The following NMRK1 variants were observed in gnomAD, a reference collection of about 807,000 sequenced individuals.
NMRK1 encodes the protein NRK 1.
In NMRK1, 28 loss-of-function variants were observed where a neutral mutation model predicts 29.9. That is an observed-to-expected ratio of 0.94 (90% CI 0.69 to 1.28). The LOEUF (loss-of-function observed/expected upper bound fraction) is 1.28, where lower values mean the gene tolerates loss of function less well. Among genes scored for constraint, NMRK1 ranks in the 50% most tolerant of loss-of-function variants. NMRK1 has a pLI of 0.00. For missense variants in NMRK1, 218 were observed against 233.1 expected, an observed-to-expected ratio of 0.94 and a Z score of 0.42; for synonymous variants, 58 against 73.0, an observed-to-expected ratio of 0.79 and a Z score of 1.05.
chr9:75,063,791 G>C (rs10869490), intron 8 of NMRK1, among the ~76,000 whole-genome samples: 20,958 of 152,142 alleles, frequency 0.14, 1,802 homozygotes, highest in Non-Finnish European at 0.19. Context: ...ACCAGGCTAT[G>C]CTGAGGGTAC....
At chr9:75,069,368 G>C in intron 6 of NMRK1, 1 of 483,400 alleles carries the variant, frequency 2.1e-6, no homozygotes, top group Non-Finnish European at 3.7e-6. Flanking sequence ...AGAACTAAGA[G>C]ACAAATAGTG....
intron 2 of NMRK1, among the ~76,000 whole-genome samples, chr9:75,081,258 A>C (rs992316174): frequency 6.6e-6 from 1 of 152,206 alleles, no homozygotes; most frequent in Admixed American, 6.5e-5. Context: ...CCTTAACTGA[A>C]TCCGGCATGG....
chr9:75,068,933 T>C, intron 7 of NMRK1, 63 bp downstream of exon 7: 1 of 1,142,428 alleles, frequency 8.8e-7, no homozygotes, highest in Non-Finnish European at 1.3e-6. Flanking sequence ...AGTCCTTTCT[T>C]TTCTATACTT....
At chr9:75,084,499 A>G (rs1307657227) in intron 1 of NMRK1, among the ~76,000 whole-genome samples, 5 of 152,250 alleles carry the variant, frequency 3.3e-5, no homozygotes, top group Non-Finnish European at 1.5e-5. Flanking sequence ...TGACTGTGAT[A>G]AAATAGCAGC....
chr9:75,084,602 A>C (rs1824511533), intron 1 of NMRK1, among the ~76,000 whole-genome samples: 1 of 152,248 alleles, frequency 6.6e-6, no homozygotes, highest in South Asian at 2.1e-4. Flanking sequence ...CAGCCTGGGC[A>C]ACATGGCAAA....
intron 8 of NMRK1, 66 bp from the exon 9 acceptor site, chr9:75,061,633 T>C: frequency 7.7e-7 from 1 of 1,292,268 alleles, no homozygotes; most frequent in South Asian, 1.2e-5. Context: ...AATCTTTACA[T>C]CAACAACAGT....
At chr9:75,074,153 G>C (rs915229188) in intron 4 of NMRK1, among the ~76,000 whole-genome samples, 6 of 151,476 alleles carry the variant, frequency 4.0e-5, no homozygotes, top group African/African-American at 1.5e-4. Context: ...AGCCTCCCAG[G>C]TTCAAGTGAT....
intron 4 of NMRK1, among the ~76,000 whole-genome samples, chr9:75,073,060 T>C (rs183486314): frequency 2.1e-3 from 321 of 152,236 alleles, no homozygotes; most frequent in African/African-American, 7.3e-3. Flanking sequence ...AATGTGACTG[T>C]TTGGAAATAT....
chr9:75,077,112 A>G, intron 4 of NMRK1, 47 bp downstream of exon 4: 1 of 1,189,910 alleles, frequency 8.4e-7, no homozygotes, highest in Non-Finnish European at 1.2e-6. Flanking sequence ...GGTTTGAAAA[A>G]GAAAATGAAC....
At chr9:75,065,472 A>G (rs1277403740) in intron 8 of NMRK1, among the ~76,000 whole-genome samples, 2 of 151,888 alleles carry the variant, frequency 1.3e-5, no homozygotes, top group African/African-American at 4.8e-5. Flanking sequence ...CTTGGTAGCT[A>G]ATTTTTAAAA....
In NMRK1 at chr9:75,061,431, CAT is replaced by C. The variant is rs1414752549; in HGVS notation, c.*115_*116del. 3 of 778,990 alleles carry C rather than the reference CAT, an allele frequency of 3.9e-6. No homozygotes were observed. Among genetic ancestry groups the C allele is most frequent in the East Asian group, 2.5e-5 (1 of 40,038 alleles). 48.3% of individuals were successfully genotyped at this position (778,990 alleles called of 1,614,324 possible). A position where few individuals can be genotyped will look rare whatever the true frequency, so the allele number is the denominator to read the frequency against. ...AAAACCATGTGCAATAAAAATCAAA[CAT>C]ATGAAACAATGGCTGTCATTGTACC... On this transcript the variant is annotated 3_prime_UTR_variant, in exon 9 of 9. Coordinates refer to ENST00000361092, the MANE Select transcript of NMRK1 (RefSeq NM_017881.3).
chr9:75,077,491 T>C lies in NMRK1; in HGVS notation c.119A>G (p.Lys40Arg). Residue 40 changes from lysine to arginine, a missense_variant and splice_region_variant, in exon 3 of 9, where the codon AAG (lysine) becomes AGG (arginine). Transcript: ENST00000361092. Reference protein sequence around the residue: ...CSVISQDDFFKPESEIETDKN... With the variant: ...CSVISQDDFFRPESEIETDKN... The stretch of plus-strand genomic sequence containing the variant: ...TAATTTAAGAAGTTTTATAGATACC[T>C]TGAAGAAATCATCCTGAGATATGAC... 2 of 1,592,860 alleles carry C rather than the reference T, an allele frequency of 1.3e-6. No individual in the cohort carries two copies. The highest frequency in any genetic ancestry group is 1.7e-6 in the Non-Finnish European group (2 of 1,161,386).
In NMRK1 at chr9:75,074,390, T is replaced by G. The variant is rs140588548; in HGVS notation, c.169+2769A>C. Among the ~76,000 whole-genome samples the G allele has an allele frequency of 9.2e-4, 140 of 151,946 alleles. 1 individual carries two copies. The highest frequency in any genetic ancestry group is 3.2e-3 in the African/African-American group (133 of 41,422). On this transcript the variant is annotated intron_variant, in intron 4 of 8. Coordinates refer to ENST00000361092, the MANE Select transcript of NMRK1 (RefSeq NM_017881.3). ...TTCTATTTTTCCACCATCTTTTGAT[T>G]TATTTATTTATTTTTTTGAGACAGT... is the stretch of plus-strand genomic sequence containing the variant.
chr9:75,086,707 G>A (rs963787966), intron 1 of NMRK1, among the ~76,000 whole-genome samples: 1 of 152,168 alleles, frequency 6.6e-6, no homozygotes, highest in Non-Finnish European at 1.5e-5. Flanking sequence ...CTGAAAGACA[G>A]CTGACAAAGC....
At position 75,069,047 on chromosome 9, in the gene NMRK1, G is replaced by A; in HGVS notation, c.445C>T (p.Pro149Ser). 1 of 1,614,096 alleles carries A rather than the reference G, an allele frequency of 6.2e-7. No homozygotes were observed. The highest frequency in any genetic ancestry group is 8.5e-7 in the Non-Finnish European group (1 of 1,179,962). Residue 149 changes from proline (P) to serine (S), a missense_variant, in exon 7 of 9, where the codon CCC becomes TCC. By Grantham distance (74) the Pro-to-Ser change is moderately conservative. Transcript: ENST00000361092. ...TCTTGTCTGTACTTTAGATACATGG[G>A]CCACACATGGCCATCAAAGTATCCC... ...SPGYFDGHVW[P>S]MYLKYRQEMQ...
rs76887666 is a variant in NMRK1 at position 75,068,351 on chromosome 9, T to C, written c.496+645A>G. On this transcript the variant is annotated intron_variant, in intron 7 of 8. Transcript: ENST00000361092. ...ATGATCAAAGTCCTTACCTAGATTATTGGCCTTATAGGGTCTGGACCCTGC... is the reference window on the plus strand; with the variant it reads ...ATGATCAAAGTCCTTACCTAGATTACTGGCCTTATAGGGTCTGGACCCTGC... 7.8e-3 allele frequency among the ~76,000 whole-genome samples: 1,193 copies of C among 152,356 alleles called. 17 individuals are homozygous for C. Among genetic ancestry groups the C allele is most frequent in the African/African-American group, 0.027 (1,104 of 41,580 alleles).
At chr9:75,065,928 C>T (rs924146087) in intron 8 of NMRK1, among the ~76,000 whole-genome samples, 2 of 152,038 alleles carry the variant, frequency 1.3e-5, no homozygotes, top group African/African-American at 4.8e-5. Flanking sequence ...ATCTTTTTAC[C>T]CTGGGACTGA....
intron 3 of NMRK1, 57 bp downstream of exon 3, chr9:75,077,433 A>G (rs1824060262): frequency 8.1e-7 from 1 of 1,228,908 alleles, no homozygotes; most frequent in South Asian, 1.3e-5. Flanking sequence ...AATTCAATTA[A>G]CGTGGTGGTT....
At chr9:75,077,662 G>T in intron 2 of NMRK1, 82 bp from the exon 3 acceptor site, 2 of 933,380 alleles carry the variant, frequency 2.1e-6, no homozygotes, top group Non-Finnish European at 1.7e-6. Context: ...GAGAGACAGG[G>T]TCTCGCTGTG....
Sources: allele counts gnomAD v4.1 joint callset (sites outside exome capture counted in the v4.1 genomes callset), GRCh38; gene constraint gnomAD v4.1.1; transcripts MANE v1.5; gene names NCBI Gene and HGNC (gene_info 2026-07-23, HGNC 2026-07-21).